SUOX: variants seen among roughly 807,000 people sequenced by gnomAD.
SUOX encodes sulfite oxidase, also known as sulfite oxidase, mitochondrial.
In SUOX, 39 loss-of-function variants were observed where a neutral mutation model predicts 41.9. That is an observed-to-expected ratio of 0.93 (90% CI 0.72 to 1.21). The LOEUF is 1.21. SUOX is among the 50% of genes most tolerant of loss of function. The pLI, the probability that SUOX is intolerant of heterozygous loss-of-function variation, is 0.00. For missense variants in SUOX, 633 were observed against 689.5 expected (o/e 0.92, Z 0.92); for synonymous variants, 220 against 268.4 (o/e 0.82, Z 1.76).
In SUOX at chr12:56,001,893, G is replaced by A. The variant is rs888815360; in HGVS notation, c.-10-319G>A. ...TTGGTTTCGGTCCTTTAGGCCCTTC[G>A]CCCCAGGCATCGTTCTCTATGGTGG... On this transcript the variant is annotated intron_variant, in intron 2 of 4. Coordinates refer to ENST00000266971, the MANE Select transcript of SUOX (RefSeq NM_001032386.2). The A allele has an allele frequency of 1.1e-4, 130 of 1,229,844 alleles. No homozygotes were observed. The African/African-American group carries it at 1.6e-3, about 15-fold the overall frequency. The allele number at this position is 1,229,844 out of a possible 1,614,324, so 76.2% of individuals were successfully genotyped here.
chr12:56,002,452 A>G (rs538773363), intron 3 of SUOX, 91 bp from the exon 4 acceptor site: 1 of 1,579,540 alleles, frequency 6.3e-7, no homozygotes, highest in Non-Finnish European at 8.7e-7. Context: ...TAAGGAACCA[A>G]TGGCCAACCA....
chr12:56,004,139 G>A lies in SUOX; in HGVS notation c.750G>A (p.Leu250=). The change falls in exon 5 of 5, where the codon TTG becomes TTA. Residue 250 remains leucine (L), a synonymous_variant. Transcript: ENST00000266971. This position sits in a 1 kb window ranked among gnomAD's most constrained non-coding sequence, Gnocchi z 4.5. ...GQSLSLSLDD[L]HNFPRYEITV... is the part of the protein sequence containing the mutation. Reference sequence around the variant, plus strand: ...CACTGTCTCTTTCCCTGGATGACTTGCACAACTTTCCCAGGTACGAGATCA... The same window carrying A: ...CACTGTCTCTTTCCCTGGATGACTTACACAACTTTCCCAGGTACGAGATCA... 1 of 1,614,206 alleles carries A rather than the reference G, an allele frequency of 6.2e-7. No homozygotes were observed. Among genetic ancestry groups the A allele is most frequent in the Non-Finnish European group, 8.5e-7 (1 of 1,180,048 alleles).
intron 4 of SUOX, 102 bp from the exon 5 acceptor site, chr12:56,003,516 C>T (rs1890608368): frequency 1.7e-6 from 2 of 1,164,504 alleles, no homozygotes; most frequent in South Asian, 2.5e-5. Context: ...CCACCTCGGC[C>T]TCCCAAAGTG....
rs373341778 is a variant in SUOX, at chr12:55,999,446, G to A, written c.-11+1723G>A. On this transcript the variant is annotated intron_variant, in intron 2 of 4. Coordinates refer to ENST00000266971, the MANE Select transcript of SUOX (RefSeq NM_001032386.2). ...TCTCACTGACTTCAAGAATGAAGCC[G>A]CGGACCCTCGCAGTGAGTGTTACAG... The A allele has an allele frequency of 1.1e-3, 191 of 171,428 alleles. No individual in the cohort carries two copies. The highest frequency in any genetic ancestry group is 4.3e-3 in the African/African-American group (181 of 41,818). 10.6% of individuals were successfully genotyped at this position (171,428 alleles called of 1,614,324 possible).
At chr12:56,003,513 G>A (rs771298760) in intron 4 of SUOX, 105 bp from the exon 5 acceptor site, 52 of 1,085,824 alleles carry the variant, frequency 4.8e-5, no homozygotes, top group Middle Eastern at 2.8e-4. Context: ...CGCCCACCTC[G>A]GCCTCCCAAA....
chr12:56,004,862 G>A lies in SUOX; in HGVS notation c.1473G>A (p.Trp491Ter), dbSNP rs1224198500. 6.2e-7 allele frequency: 1 copy of A among 1,614,182 alleles called. No homozygotes were observed. The highest frequency in any genetic ancestry group is 8.5e-7 in the Non-Finnish European group (1 of 1,180,032). The change falls in exon 5 of 5, where the codon TGG becomes TGA. Residue 491 changes from tryptophan to a stop codon, truncating the protein, a stop_gained. Transcript: ENST00000266971. LOFTEE classifies it high-confidence loss of function. This position sits in a 1 kb window ranked among gnomAD's most constrained non-coding sequence, Gnocchi z 4.5. ...GGAAGGCCTGGGCATGGCGTCTGTG[G>A]CAGTTGAAAGCCCCTGTGCCAGCTG... ...RPRKAWAWRL[W>*]QLKAPVPAGQ...
At chr12:56,000,826 G>A (rs1310048842) in intron 2 of SUOX, among the ~76,000 whole-genome samples, 36 of 151,496 alleles carry the variant, frequency 2.4e-4, no homozygotes, top group African/African-American at 8.0e-4. Context: ...TCACTCTGTC[G>A]CCCAGGCTGG....
In SUOX at chr12:56,004,699, CTGTAGAA is replaced by C. The variant is rs770496917; in HGVS notation, c.1312_1318del (p.Val438GlnfsTer4). The C allele has an allele frequency of 2.5e-6, 4 of 1,614,040 alleles. No homozygotes were observed. In the Admixed American group the frequency reaches 6.7e-5, roughly 27 times the overall value. On this transcript the variant is annotated frameshift_variant, in exon 5 of 5. Transcript: ENST00000266971. LOFTEE classifies it high-confidence loss of function. The surrounding 1 kb of genome is among the most constrained non-coding windows in gnomAD (Gnocchi z 4.5). ...ATCACAGAGCCCCGGGATGGAGAGA[CTGTAGAA>C]TCAGGGGAGGTGACCATCAAGGGCT...
Position 56,004,819 on chromosome 12 carries a change from G to T in SUOX, c.1430G>T (p.Gly477Val). The T allele has an allele frequency of 6.2e-7, 1 of 1,614,194 alleles. No individual in the cohort carries two copies. Among genetic ancestry groups the T allele is most frequent in the Non-Finnish European group, 8.5e-7 (1 of 1,180,030 alleles). ...GLTWQVAKLD[G>V]EEQRPRKAWA... ...ACCTGGCAGGTGGCTAAGCTGGATG[G>T]AGAGGAACAGCGCCCCAGGAAGGCC... The change falls in exon 5 of 5, where the codon GGA (glycine) becomes GTA (valine). Residue 477 changes from glycine (G) to valine (V), a missense_variant. Physicochemically the swap from Gly to Val is moderately radical, Grantham distance 109. Transcript: ENST00000266971. The surrounding 1 kb of genome is among the most constrained non-coding windows in gnomAD (Gnocchi z 4.5).
chr12:56,001,789 T>G (rs567518966), intron 2 of SUOX: 92 of 438,488 alleles, frequency 2.1e-4, no homozygotes, highest in African/African-American at 1.9e-3. Context: ...TTTTTTCACT[T>G]TTTTATCCCT....
intron 4 of SUOX, chr12:56,003,009 G>C (rs1397447602): frequency 9.3e-6 from 3 of 323,164 alleles, no homozygotes; most frequent in Non-Finnish European, 1.8e-5. Context: ...CTCCAGCCTG[G>C]GTGACAGAGT....
Position 56,005,093 on chromosome 12 carries a change from T to C in SUOX, c.*66T>C. The C allele has an allele frequency of 6.4e-7, 1 of 1,570,804 alleles. No individual in the cohort carries two copies. Among genetic ancestry groups the C allele is most frequent in the Non-Finnish European group, 8.7e-7 (1 of 1,154,552 alleles). On this transcript the variant is annotated 3_prime_UTR_variant, in exon 5 of 5. Transcript: ENST00000266971. ...AGCCTCACTGCTTCAGAAAAATCTT[T>C]CCCACCTTTCAACTTCTTGGATCAC...
chr12:56,001,681 G>T, intron 2 of SUOX: 1 of 176,184 alleles, frequency 5.7e-6, no homozygotes, highest in Non-Finnish European at 1.2e-5. Context: ...TCAGGAAATC[G>T]GGCTGGTTAA....
intron 4 of SUOX, chr12:56,003,189 G>T (rs1319298738): frequency 8.2e-6 from 2 of 245,008 alleles, no homozygotes; most frequent in Non-Finnish European, 1.6e-5. Flanking sequence ...TGCTACCTTC[G>T]CTTCCCAGTG....
intron 2 of SUOX, 88 bp downstream of exon 2, chr12:55,997,811 TACCCACGACCCACCC>T (rs1890361920): frequency 6.6e-6 from 1 of 152,084 alleles, no homozygotes. Context: ...CTTTCCTCCC[TACCCACGACCCACCC>T]ACCCCAGCAC....
At chr12:56,001,006 C>T (rs1341980246) in intron 2 of SUOX, among the ~76,000 whole-genome samples, 1 of 151,654 alleles carries the variant, frequency 6.6e-6, no homozygotes, top group Non-Finnish European at 1.5e-5. Context: ...AGGATGGTTT[C>T]GATCTCCTGA....
At chr12:56,003,141 G>A (rs563243916) in intron 4 of SUOX, 3 of 277,408 alleles carry the variant, frequency 1.1e-5, no homozygotes, top group East Asian at 9.1e-5. Flanking sequence ...TCACAGTGAC[G>A]CAGTCTTCAT....
Position 56,005,098 on chromosome 12 carries a change from C to A in SUOX, c.*71C>A. ...CACTGCTTCAGAAAAATCTTTCCCA[C>A]CTTTCAACTTCTTGGATCACAACTC... On this transcript the variant is annotated 3_prime_UTR_variant, in exon 5 of 5. Transcript: ENST00000266971. 6.4e-7 allele frequency: 1 copy of A among 1,551,504 alleles called. No homozygotes were observed. The highest frequency in any genetic ancestry group is 8.8e-7 in the Non-Finnish European group (1 of 1,137,330).
Position 56,004,983 on chromosome 12 carries a change from C to A in SUOX, c.1594C>A (p.Leu532Ile). The change falls in exon 5 of 5, where the codon CTC becomes ATC. Residue 532 changes from leucine to isoleucine, a missense_variant. By Grantham distance (5) the Leu-to-Ile change is conservative. Transcript: ENST00000266971. This position sits in a 1 kb window ranked among gnomAD's most constrained non-coding sequence, Gnocchi z 4.5. ...VAPIWNLRGV[L>I]SNAWHRVHVY... ...CCCAATCTGGAACCTGCGAGGTGTTCTCAGCAATGCCTGGCATCGTGTCCA... is the reference window on the plus strand; with the variant it reads ...CCCAATCTGGAACCTGCGAGGTGTTATCAGCAATGCCTGGCATCGTGTCCA... 1 of 1,614,032 alleles carries A rather than the reference C, an allele frequency of 6.2e-7. No homozygotes were observed. The highest frequency in any genetic ancestry group is 2.2e-5 in the East Asian group (1 of 44,888).
Sources: allele counts gnomAD v4.1 joint callset (sites outside exome capture counted in the v4.1 genomes callset), GRCh38; gene constraint gnomAD v4.1.1; non-coding constraint Gnocchi (gnomAD v3.1); transcripts MANE v1.5; gene names NCBI Gene and HGNC (gene_info 2026-07-23, HGNC 2026-07-21).